FBXL17: variants seen among roughly 807,000 people sequenced by gnomAD.
FBXL17 encodes the protein F-box/LRR-repeat protein 17.
Under a neutral mutation model 66.2 loss-of-function variants are expected in FBXL17, and 22 were observed. The ratio of observed to expected loss-of-function variants is 0.33; its 90% confidence interval spans 0.24 to 0.47. The LOEUF is 0.47. FBXL17 is among the 20% of genes least tolerant of loss of function. FBXL17 has a pLI of 1.00. For missense variants in FBXL17, 878 were observed against 948.2 expected (o/e 0.93, Z 0.97); for synonymous variants, 474 against 400.5 (o/e 1.18, Z -2.19).
chr5:108,190,811 C>T (rs1447761536), intron 5 of FBXL17, among the ~76,000 whole-genome samples: 1 of 152,116 alleles, frequency 6.6e-6, no homozygotes, highest in African/African-American at 2.4e-5. Flanking sequence ...ACCACATTGT[C>T]TTTACAGCTA....
intron 4 of FBXL17, among the ~76,000 whole-genome samples, chr5:108,313,605 G>C (rs1759224262): frequency 6.6e-6 from 1 of 151,944 alleles, no homozygotes. Flanking sequence ...TCACAGGCTG[G>C]TACCAGGTTT....
intron 6 of FBXL17, among the ~76,000 whole-genome samples, chr5:108,064,680 C>A (rs944461967): frequency 6.6e-6 from 1 of 152,038 alleles, no homozygotes; most frequent in Non-Finnish European, 1.5e-5. Context: ...TATTGTAATG[C>A]AAGCTGAATT....
chr5:108,148,276 A>G (rs2149993473), intron 6 of FBXL17, among the ~76,000 whole-genome samples: 1 of 152,302 alleles, frequency 6.6e-6, no homozygotes, highest in African/African-American at 2.4e-5. Context: ...AGAGTACATA[A>G]CTGCTAAACA....
At chr5:107,994,724 G>A (rs577244507) in intron 7 of FBXL17, among the ~76,000 whole-genome samples, 2 of 152,140 alleles carry the variant, frequency 1.3e-5, no homozygotes, top group South Asian at 2.1e-4. Context: ...TATAATCCCA[G>A]CTACTTGGGA....
At chr5:107,945,077 T>G (rs1042421074) in intron 7 of FBXL17, among the ~76,000 whole-genome samples, 11 of 151,648 alleles carry the variant, frequency 7.3e-5, no homozygotes, top group Non-Finnish European at 1.2e-4. Context: ...TAGAAAAAAA[T>G]TGAATCTTCT....
chr5:108,381,771 G>C lies in FBXL17; in HGVS notation c.-80C>G. The C allele has an allele frequency of 3.0e-5, 41 of 1,365,418 alleles. No individual in the cohort carries two copies. The South Asian group carries it at 6.8e-4, about 23-fold the overall frequency. The allele number at this position is 1,365,418 out of a possible 1,614,324, so 84.6% of individuals were successfully genotyped here. Reference sequence around the variant, plus strand: ...CGGGCTCCCGGCAGCGGGGCAGGCCGCTCGCTGGCTCGGCCCCCGGAGGGG... The same window carrying C: ...CGGGCTCCCGGCAGCGGGGCAGGCCCCTCGCTGGCTCGGCCCCCGGAGGGG... On this transcript the variant is annotated 5_prime_UTR_variant, in exon 1 of 9. Coordinates refer to ENST00000542267, the MANE Select transcript of FBXL17 (RefSeq NM_001163315.3).
chr5:108,016,433 T>C (rs1422558652), intron 7 of FBXL17, among the ~76,000 whole-genome samples: 2 of 151,896 alleles, frequency 1.3e-5, no homozygotes, highest in African/African-American at 2.4e-5. Flanking sequence ...TTTACTACTT[T>C]AAAATGGAAA....
chr5:108,116,142 A>G (rs1750238319), intron 6 of FBXL17, among the ~76,000 whole-genome samples: 1 of 152,150 alleles, frequency 6.6e-6, no homozygotes, highest in African/African-American at 2.4e-5. Context: ...AACAAGAAAA[A>G]CACTAAAGTT....
intron 5 of FBXL17, among the ~76,000 whole-genome samples, chr5:108,189,008 C>T (rs1753351260): frequency 6.6e-6 from 1 of 152,208 alleles, no homozygotes; most frequent in African/African-American, 2.4e-5. Flanking sequence ...AATATGTGAT[C>T]TGCATGTGGT....
At chr5:108,201,827 CA>C (rs1319781239) in intron 5 of FBXL17, among the ~76,000 whole-genome samples, 1 of 106,330 alleles carries the variant, frequency 9.4e-6, no homozygotes, top group Non-Finnish European at 1.9e-5. Flanking sequence ...ATTTCTGCCA[CA>C]AAACACTGTG....
At chr5:107,976,024 A>T (rs887990469) in intron 7 of FBXL17, among the ~76,000 whole-genome samples, 1 of 151,978 alleles carries the variant, frequency 6.6e-6, no homozygotes, top group African/African-American at 2.4e-5. Context: ...ATGCCCGGCT[A>T]ATTTTTTATA....
Position 108,098,746 on chromosome 5 carries a change from T to TAAA in FBXL17, c.1746-77748_1746-77746dup, listed in dbSNP as rs10649679. 9.1e-3 allele frequency among the ~76,000 whole-genome samples: 1,081 copies of TAAA among 118,372 alleles called. 28 individuals are homozygous for TAAA. Among genetic ancestry groups the TAAA allele is most frequent in the African/African-American group, 0.033 (1,012 of 30,276 alleles). The allele number at this position is 118,372 out of a possible 152,430, so 77.7% of individuals were successfully genotyped here. A position where few individuals can be genotyped will look rare whatever the true frequency, so the allele number is the denominator to read the frequency against. ...GGCAACAGAGCGACACTCTGTCTCA[T>TAAA]AAAAAAAAAAAAAAAAAAAAATTCT... On this transcript the variant is annotated intron_variant, in intron 6 of 8. Transcript: ENST00000542267.
At chr5:108,070,270 C>T (rs1028165686) in intron 6 of FBXL17, among the ~76,000 whole-genome samples, 7 of 152,104 alleles carry the variant, frequency 4.6e-5, no homozygotes, top group Middle Eastern at 3.2e-3. Flanking sequence ...TTCAGGATTG[C>T]ATTAATCTAC....
At chr5:108,148,736 T>G (rs1004881046) in intron 6 of FBXL17, among the ~76,000 whole-genome samples, 1 of 152,130 alleles carries the variant, frequency 6.6e-6, no homozygotes, top group Non-Finnish European at 1.5e-5. Context: ...GATTACAGAT[T>G]AATATCTCAG....
chr5:108,233,968 T>G (rs1283501332), intron 4 of FBXL17, among the ~76,000 whole-genome samples: 1 of 152,106 alleles, frequency 6.6e-6, no homozygotes, highest in Non-Finnish European at 1.5e-5. Context: ...TGAGATCAAA[T>G]GTAGGGACAA....
intron 6 of FBXL17, among the ~76,000 whole-genome samples, chr5:108,175,294 A>G (rs76312656): frequency 0.011 from 1,734 of 152,282 alleles, 32 homozygotes; most frequent in African/African-American, 0.038. Context: ...CACAAGGAGA[A>G]AGACTCATAA....
chr5:108,080,186 T>A (rs1748709144), intron 6 of FBXL17, among the ~76,000 whole-genome samples: 1 of 152,202 alleles, frequency 6.6e-6, no homozygotes, highest in Admixed American at 6.5e-5. Context: ...AAATTTACCT[T>A]ACAGCAAAAT....
intron 4 of FBXL17, among the ~76,000 whole-genome samples, chr5:108,291,240 C>T (rs1451573434): frequency 6.6e-6 from 1 of 152,166 alleles, no homozygotes; most frequent in South Asian, 2.1e-4. Context: ...ACTGCTCACA[C>T]CAACAGAGAG....
intron 6 of FBXL17, among the ~76,000 whole-genome samples, chr5:108,128,655 A>G (rs1298988671): frequency 6.6e-6 from 1 of 152,174 alleles, no homozygotes; most frequent in Non-Finnish European, 1.5e-5. Context: ...CAAATTCAAC[A>G]AGAGTCTACA....
Sources: allele counts gnomAD v4.1 joint callset (sites outside exome capture counted in the v4.1 genomes callset), GRCh38; gene constraint gnomAD v4.1.1; transcripts MANE v1.5; gene names NCBI Gene and HGNC (gene_info 2026-07-23, HGNC 2026-07-21).